The following ZNF69 variants were observed in gnomAD, a reference collection of about 807,000 sequenced individuals.
ZNF69 encodes the protein ZNF3.
A neutral mutation model predicts 50.9 loss-of-function variants in ZNF69; 47 were observed. The observed-to-expected ratio is 0.92, with a 90% CI of 0.73 to 1.18. ZNF69 has a LOEUF of 1.18. Ranked by LOEUF, ZNF69 falls within the 50% of genes most tolerant of loss-of-function variation. The pLI, the probability that ZNF69 is intolerant of heterozygous loss-of-function variation, is 0.00. For missense variants in ZNF69, 717 were observed against 675.1 expected (o/e 1.06, Z -0.69); for synonymous variants, 216 against 223.1 (o/e 0.97, Z 0.29).
Position 11,906,409 on chromosome 19 carries a change from C to A in ZNF69, c.*311C>A. The A allele has an allele frequency of 2.4e-6, 1 of 421,552 alleles. No individual in the cohort carries two copies. Among genetic ancestry groups the A allele is most frequent in the Non-Finnish European group, 3.6e-6 (1 of 277,926 alleles). 26.1% of individuals were successfully genotyped at this position (421,552 alleles called of 1,614,324 possible). On this transcript the variant is annotated 3_prime_UTR_variant, in exon 4 of 4. Coordinates refer to ENST00000429654, the MANE Select transcript of ZNF69 (RefSeq NM_001364730.1). ...GGTCCCTGATCTCCAAGTAGCCTAACTGGGAGGCACTTCCCAGTAGGGGCC... is the reference window on the plus strand; with the variant it reads ...GGTCCCTGATCTCCAAGTAGCCTAAATGGGAGGCACTTCCCAGTAGGGGCC...
chr19:11,948,461 G>A, the ZNF69 span: 6 of 1,614,006 alleles, frequency 3.7e-6, no homozygotes, highest in Non-Finnish European at 5.1e-6. Context: ...ATGAGCATCA[G>A]AGGTGACACT....
At chr19:11,920,625 C>T in the ZNF69 span, among the ~76,000 whole-genome samples, 1 of 115,218 alleles carries the variant, frequency 8.7e-6, no homozygotes, top group East Asian at 2.5e-4. Flanking sequence ...CGGTGGTTCA[C>T]ACCTGTAATC....
chr19:11,948,582 G>GTGCTCCAGTGT, the ZNF69 span: 5 of 1,605,924 alleles, frequency 3.1e-6, no homozygotes, highest in Non-Finnish European at 4.2e-6. Flanking sequence ...CACAAGAAAG[G>GTGCTCCAGTGT]GATCACACTG....
chr19:11,963,086 A>AGTGT, the ZNF69 span, among the ~76,000 whole-genome samples: 5 of 138,454 alleles, frequency 3.6e-5, no homozygotes, highest in Non-Finnish European at 6.0e-5. Flanking sequence ...AGAGAGAGAG[A>AGTGT]GAGTGTGTGT....
chr19:11,954,513 C>T, the ZNF69 span, among the ~76,000 whole-genome samples: 1 of 152,134 alleles, frequency 6.6e-6, no homozygotes, highest in African/African-American at 2.4e-5. Flanking sequence ...CCACCATGCC[C>T]AGACAAGGTT....
chr19:11,954,990 A>C, the ZNF69 span, among the ~76,000 whole-genome samples: 1 of 147,080 alleles, frequency 6.8e-6, no homozygotes, highest in South Asian at 2.1e-4. Flanking sequence ...AGTTTGTTTC[A>C]AAAAAATTTT....
chr19:11,905,922 A>T lies in ZNF69; in HGVS notation c.1525A>T (p.Lys509Ter), dbSNP rs1429000520. 1.9e-6 allele frequency: 3 copies of T among 1,614,052 alleles called. No individual in the cohort carries two copies. In the Admixed American group the frequency reaches 5.0e-5, roughly 27 times the overall value. The change falls in exon 4 of 4, where the codon AAG becomes TAG. Residue 509 changes from lysine to a stop codon, truncating the protein, a stop_gained. Transcript: ENST00000429654. LOFTEE classifies it high-confidence loss of function. ...CACTGGAGAGAAACTCTATGAATGCAAGCAATGTGGTGAAGCCTTCAGTAG... is the reference window on the plus strand; with the variant it reads ...CACTGGAGAGAAACTCTATGAATGCTAGCAATGTGGTGAAGCCTTCAGTAG... The part of the protein sequence containing the change: ...THTGEKLYEC[K>*]QCGEAFSSSS...
the ZNF69 span, chr19:11,965,241 CG>C: frequency 3.1e-5 from 50 of 1,613,746 alleles, no homozygotes; most frequent in Non-Finnish European, 4.0e-5. Context: ...TGTCCCGAGA[CG>C]GGGTAGAGGC....
At chr19:11,974,458 A>C in the ZNF69 span, among the ~76,000 whole-genome samples, 3 of 151,936 alleles carry the variant, frequency 2.0e-5, no homozygotes, top group South Asian at 2.1e-4. Flanking sequence ...TGGCCTCCCA[A>C]AATGCTCAAT....
the ZNF69 span, chr19:11,978,459 A>G: frequency 6.2e-7 from 1 of 1,614,228 alleles, no homozygotes; most frequent in East Asian, 2.2e-5. Context: ...AGAATGTGGA[A>G]AAACCTTTAT....
At chr19:11,911,218 GT>G (rs1418723159), downstream of ZNF69, among the ~76,000 whole-genome samples, 3 of 152,200 alleles carry the variant, frequency 2.0e-5, no homozygotes, top group Non-Finnish European at 2.9e-5. Context: ...CTTTTACACT[GT>G]TGGTGGGACT....
chr19:11,935,522 G>A, the ZNF69 span, among the ~76,000 whole-genome samples: 2 of 152,016 alleles, frequency 1.3e-5, no homozygotes, highest in African/African-American at 4.8e-5. Flanking sequence ...ATGAGCCACT[G>A]TGCCTGGCTT....
At chr19:11,890,901 A>G (rs1237200003) in intron 1 of ZNF69, among the ~76,000 whole-genome samples, 1 of 152,230 alleles carries the variant, frequency 6.6e-6, no homozygotes, top group East Asian at 1.9e-4. Flanking sequence ...AATAATTCAA[A>G]GGTTCAGATT....
chr19:11,966,115 C>A, the ZNF69 span, among the ~76,000 whole-genome samples: 54 of 152,304 alleles, frequency 3.5e-4, no homozygotes, highest in Non-Finnish European at 4.9e-4. Flanking sequence ...GCATGACTTA[C>A]CCTTACCTTG....
chr19:11,965,390 G>T, the ZNF69 span, among the ~76,000 whole-genome samples: 3 of 152,196 alleles, frequency 2.0e-5, no homozygotes, highest in Non-Finnish European at 4.4e-5. Context: ...GCTGGCAGCC[G>T]GGACCCCGGG....
the ZNF69 span, among the ~76,000 whole-genome samples, chr19:11,934,634 C>G: frequency 1.0e-4 from 15 of 147,078 alleles, no homozygotes. Flanking sequence ...TCAAACGATT[C>G]TCCTGACTCA....
chr19:11,903,584 C>A lies in ZNF69; in HGVS notation c.75C>A (p.Ala25=). The change falls in exon 2 of 4, where the codon GCC becomes GCA. Residue 25 remains alanine, a synonymous_variant. Coordinates refer to ENST00000429654, the MANE Select transcript of ZNF69 (RefSeq NM_001364730.1). ...TSESQEMDPV[A]FDDVAVNFTQ... ...GTGAGATGTTTCAGGACCCAGTGGC[C>A]TTTGATGATGTTGCTGTGAACTTCA... 1 of 1,614,096 alleles carries A rather than the reference C, an allele frequency of 6.2e-7. No homozygotes were observed. Among genetic ancestry groups the A allele is most frequent in the Admixed American group, 1.7e-5 (1 of 59,992 alleles).
the ZNF69 span, among the ~76,000 whole-genome samples, chr19:11,936,686 A>G: frequency 2.6e-5 from 4 of 152,098 alleles, no homozygotes; most frequent in Non-Finnish European, 5.9e-5. Context: ...GAAGCTCTTT[A>G]GTTTAATTAG....
the ZNF69 span, among the ~76,000 whole-genome samples, chr19:11,957,110 G>C: frequency 1.1e-5 from 1 of 89,742 alleles, no homozygotes. Flanking sequence ...TTTTTTTTTT[G>C]AGATGGGGTC....
Sources: allele counts gnomAD v4.1 joint callset (sites outside exome capture counted in the v4.1 genomes callset), GRCh38; gene constraint gnomAD v4.1.1; transcripts MANE v1.5; gene names NCBI Gene and HGNC (gene_info 2026-07-23, HGNC 2026-07-21).